SNX29: variants seen among roughly 807,000 people sequenced by gnomAD.
The protein encoded by SNX29 is sorting nexin 29.
In SNX29, 78 loss-of-function variants were observed where a neutral mutation model predicts 102.1. That is an observed-to-expected ratio of 0.76 (90% CI 0.64 to 0.92). The LOEUF is 0.92. SNX29 is among the 40% of genes least tolerant of loss of function. The pLI is 0.00. For synonymous variants in SNX29, 580 were observed against 414.5 expected, an observed-to-expected ratio of 1.40 and a Z score of -4.85; for missense variants, 1,280 against 1,061.7, an observed-to-expected ratio of 1.21 and a Z score of -2.86.
rs1056023885 is a variant in SNX29, at chr16:12,509,396, G to A, written c.2179-15306G>A. Among the ~76,000 whole-genome samples the A allele has an allele frequency of 2.0e-5, 3 of 152,166 alleles. No individual in the cohort carries two copies. In the East Asian group the frequency reaches 5.8e-4, roughly 29 times the overall value. On this transcript the variant is annotated intron_variant, in intron 19 of 20. Transcript: ENST00000566228. Reference sequence around the variant, plus strand: ...GGGAGGCACGGGGAGCGGATCCCAGGGAAGACTGAAATGTAGAGTGTCTGA... The same window carrying A: ...GGGAGGCACGGGGAGCGGATCCCAGAGAAGACTGAAATGTAGAGTGTCTGA...
intron 14 of SNX29, among the ~76,000 whole-genome samples, chr16:12,275,586 A>G (rs888967563): frequency 5.9e-5 from 9 of 151,978 alleles, no homozygotes; most frequent in African/African-American, 2.2e-4. Flanking sequence ...GGTGGCATCC[A>G]TGTCTGTTTA....
chr16:12,443,194 C>A, intron 18 of SNX29: 1 of 360,066 alleles, frequency 2.8e-6, no homozygotes, highest in Non-Finnish European at 5.5e-6. Flanking sequence ...GGAAGCTGCT[C>A]AGTAGATCCT....
intron 18 of SNX29, among the ~76,000 whole-genome samples, chr16:12,458,149 C>T (rs1040296803): frequency 6.6e-6 from 1 of 152,220 alleles, no homozygotes; most frequent in East Asian, 1.9e-4. Context: ...TCACCTTGGG[C>T]TCTGCACTGC....
chr16:11,999,391 C>G (rs566380515), intron 2 of SNX29, 33 bp downstream of exon 2: 2 of 1,607,730 alleles, frequency 1.2e-6, no homozygotes, highest in South Asian at 1.1e-5. Context: ...CCTTTTTGGT[C>G]GAGTAATAGT....
In SNX29 at chr16:12,570,749, C is replaced by T. The variant is rs1016083101; in HGVS notation, c.*2120C>T. ...TCTCTCCAGATACCCCACGAGGAAGCACCTTGGACATTCTGCACATGATAA... is the reference window on the plus strand; with the variant it reads ...TCTCTCCAGATACCCCACGAGGAAGTACCTTGGACATTCTGCACATGATAA... On this transcript the variant is annotated 3_prime_UTR_variant, in exon 21 of 21. Transcript: ENST00000566228. 3 of 230,196 alleles carry T rather than the reference C, an allele frequency of 1.3e-5. No homozygotes were observed. Among genetic ancestry groups the T allele is most frequent in the East Asian group, 6.1e-5 (1 of 16,342 alleles). 14.3% of individuals were successfully genotyped at this position (230,196 alleles called of 1,614,324 possible).
intron 15 of SNX29, among the ~76,000 whole-genome samples, chr16:12,323,123 G>C (rs547122296): frequency 6.7e-6 from 1 of 149,830 alleles, no homozygotes; most frequent in South Asian, 2.2e-4. Context: ...TCAGGATGTG[G>C]TCACTGGAGT....
chr16:12,412,287 C>G (rs533051216), intron 18 of SNX29, among the ~76,000 whole-genome samples: 4 of 152,354 alleles, frequency 2.6e-5, no homozygotes, highest in East Asian at 1.9e-4. Flanking sequence ...ATGAGTCCCT[C>G]TGGGTCATGC....
chr16:12,142,073 C>G (rs372992442), intron 13 of SNX29, among the ~76,000 whole-genome samples: 1 of 152,212 alleles, frequency 6.6e-6, no homozygotes, highest in African/African-American at 2.4e-5. Flanking sequence ...TTAGCTCTTT[C>G]CCAAGTGTTC....
intron 13 of SNX29, among the ~76,000 whole-genome samples, chr16:12,176,921 G>T (rs976053101): frequency 6.6e-6 from 1 of 151,900 alleles, no homozygotes; most frequent in Non-Finnish European, 1.5e-5. Flanking sequence ...AGGTCCTGGG[G>T]TCGGGCTGTT....
intron 19 of SNX29, among the ~76,000 whole-genome samples, chr16:12,482,650 A>G (rs933647378): frequency 3.3e-5 from 5 of 152,204 alleles, no homozygotes; most frequent in Non-Finnish European, 7.3e-5. Flanking sequence ...CCTTGAACCC[A>G]TTAAATGACT....
At chr16:12,512,403 TATATATATATATATA>T (rs1238888159) in intron 19 of SNX29, among the ~76,000 whole-genome samples, 8 of 72,624 alleles carry the variant, frequency 1.1e-4, no homozygotes, top group African/African-American at 4.2e-4. Context: ...TATATATATA[TATATATATATATATA>T]GTTTTCGGTT....
chr16:12,352,651 G>T (rs1344052690), intron 15 of SNX29, among the ~76,000 whole-genome samples: 1 of 152,218 alleles, frequency 6.6e-6, no homozygotes, highest in African/African-American at 2.4e-5. Flanking sequence ...GATAAGTTGT[G>T]CACCTTGCAA....
At chr16:12,234,098 T>C (rs1198160829) in intron 14 of SNX29, among the ~76,000 whole-genome samples, 1 of 152,236 alleles carries the variant, frequency 6.6e-6, no homozygotes, top group Non-Finnish European at 1.5e-5. Flanking sequence ...TTTTCATTTC[T>C]CTCGGGTATA....
At chr16:12,450,211 G>A (rs960989901) in intron 18 of SNX29, among the ~76,000 whole-genome samples, 11 of 152,186 alleles carry the variant, frequency 7.2e-5, no homozygotes, top group African/African-American at 2.7e-4. Flanking sequence ...CCCAGTCTCA[G>A]TATGTCCTTA....
intron 13 of SNX29, among the ~76,000 whole-genome samples, chr16:12,194,861 A>G (rs754093122): frequency 5.9e-5 from 9 of 152,118 alleles, no homozygotes; most frequent in Non-Finnish European, 1.0e-4. Flanking sequence ...TCCCGACCTC[A>G]GATGATCCAC....
intron 14 of SNX29, among the ~76,000 whole-genome samples, chr16:12,218,090 A>G (rs536570154): frequency 1.3e-5 from 2 of 152,224 alleles, no homozygotes; most frequent in Non-Finnish European, 2.9e-5. Flanking sequence ...ATTATTTGCA[A>G]TGATAAAAAA....
intron 13 of SNX29, 56 bp from the exon 14 acceptor site, chr16:12,199,545 G>T: frequency 6.7e-7 from 1 of 1,494,940 alleles, no homozygotes; most frequent in Non-Finnish European, 9.1e-7. Flanking sequence ...CCCCTCCTGT[G>T]GGTCCACATT....
At chr16:12,433,383 C>G (rs1206639546) in intron 18 of SNX29, among the ~76,000 whole-genome samples, 1 of 152,116 alleles carries the variant, frequency 6.6e-6, no homozygotes, top group Non-Finnish European at 1.5e-5. Flanking sequence ...GTCAGCCCAG[C>G]ACTTTGGGAG....
At chr16:12,356,430 T>A (rs2082139301) in intron 16 of SNX29, among the ~76,000 whole-genome samples, 151 bp downstream of exon 16, 1 of 152,222 alleles carries the variant, frequency 6.6e-6, no homozygotes, top group African/African-American at 2.4e-5. Context: ...TTATTTTTTA[T>A]GGGGAGGGGG....
Sources: gnomAD v4.1 joint callset for allele counts (sites outside exome capture counted in the v4.1 genomes callset) on GRCh38, gnomAD v4.1.1 for gene constraint, MANE v1.5 for transcripts, NCBI Gene and HGNC (gene_info 2026-07-23, HGNC 2026-07-21) for gene names.